FMO5: variants seen among roughly 807,000 people sequenced by gnomAD.
The protein encoded by FMO5 is flavin containing dimethylaniline monoxygenase 5.
In FMO5, 51 loss-of-function variants were observed where a neutral mutation model predicts 43.6. The observed-to-expected ratio is 1.17, with a 90% CI of 0.93 to 1.48. The LOEUF is 1.48. Ranked by LOEUF, FMO5 falls within the 40% of genes most tolerant of loss-of-function variation. The probability of loss-of-function intolerance (pLI) is 0.00; values close to 1 mark genes in which losing one functional copy is unlikely to be tolerated. For synonymous variants in FMO5, 187 were observed against 216.5 expected, an observed-to-expected ratio of 0.86 and a Z score of 1.20; for missense variants, 644 against 643.0, an observed-to-expected ratio of 1.00 and a Z score of -0.02.
chr1:147,201,925 C>A (rs28381210), intron 6 of FMO5, among the ~76,000 whole-genome samples: 29,125 of 152,128 alleles, frequency 0.19, 3,277 homozygotes, highest in Middle Eastern at 0.26. Flanking sequence ...CCACTGTTTT[C>A]CAAACTGTAT....
chr1:147,206,405 A>G (rs1660054631), intron 6 of FMO5, among the ~76,000 whole-genome samples: 1 of 152,220 alleles, frequency 6.6e-6, no homozygotes, highest in Admixed American at 6.5e-5. Flanking sequence ...CAACCATCCC[A>G]TTACTGGGTA....
intron 3 of FMO5, 108 bp downstream of exon 3, chr1:147,215,646 T>A: frequency 1.3e-6 from 1 of 752,438 alleles, no homozygotes; most frequent in Non-Finnish European, 2.2e-6. Flanking sequence ...GATAAATACA[T>A]GTGCAAATCA....
chr1:147,205,455 C>T (rs1458865450), intron 6 of FMO5, among the ~76,000 whole-genome samples: 3 of 151,970 alleles, frequency 2.0e-5, no homozygotes, highest in Non-Finnish European at 4.4e-5. Context: ...AAACATTTAA[C>T]CTGAATATAA....
chr1:147,194,913 C>T (rs184149842), intron 7 of FMO5, among the ~76,000 whole-genome samples: 5,424 of 151,722 alleles, frequency 0.036, 141 homozygotes, highest in South Asian at 0.089. Flanking sequence ...GTGGGTAACC[C>T]GACCTTTCTC....
chr1:147,210,962 T>G (rs1262223577), intron 5 of FMO5: 2 of 152,232 alleles, frequency 1.3e-5, no homozygotes, highest in African/African-American at 4.8e-5. Flanking sequence ...CATGATATAC[T>G]GAAATATATA....
chr1:147,219,840 CTTTTT>C (rs71083821), intron 2 of FMO5, among the ~76,000 whole-genome samples: 1 of 132,896 alleles, frequency 7.5e-6, no homozygotes, highest in African/African-American at 2.8e-5. Context: ...ATGTTAATTG[CTTTTT>C]TTTTTTTTTT....
At chr1:147,203,408 G>C (rs879980172) in intron 6 of FMO5, 7 of 914,896 alleles carry the variant, frequency 7.7e-6, no homozygotes, top group Admixed American at 1.7e-5. Context: ...ATAGACCAGT[G>C]TTTTCCCAGG....
chr1:147,203,897 T>C lies in FMO5; in HGVS notation c.831-2393A>G, dbSNP rs587681698. 4.6e-4 allele frequency: 720 copies of C among 1,575,870 alleles called. 4 individuals carry two copies. In the South Asian group the frequency reaches 5.0e-3, roughly 11 times the overall value. The stretch of plus-strand genomic sequence containing the variant: ...TTCTGAGAGGTAAACACTGTCTCAG[T>C]GTCCCATTTCTTCAAGGACAGGAGG... On this transcript the variant is annotated intron_variant, in intron 6 of 8. Transcript: ENST00000254090.
chr1:147,204,933 G>A (rs1659709904), intron 6 of FMO5: 19 of 1,553,040 alleles, frequency 1.2e-5, no homozygotes, highest in Admixed American at 1.7e-5. Flanking sequence ...GAAGCGCCAT[G>A]GCCAGCCTGC....
intron 5 of FMO5, 134 bp from the exon 6 acceptor site, chr1:147,209,185 C>A: frequency 1.6e-6 from 1 of 619,862 alleles, no homozygotes; most frequent in Non-Finnish European, 2.7e-6. Flanking sequence ...TTTGGGAGGC[C>A]AAGGCGGGCG....
chr1:147,186,264 A>G lies in FMO5; in HGVS notation c.*636T>C. On this transcript the variant is annotated 3_prime_UTR_variant, in exon 9 of 9. Transcript: ENST00000254090. The stretch of plus-strand genomic sequence containing the variant: ...GAATGACTGTGAGCCTAGAAAGTTG[A>G]AAGTAATTTCTTTATTGAGAAAATA... The G allele has an allele frequency of 1.1e-6, 1 of 951,734 alleles. No homozygotes were observed. The highest frequency in any genetic ancestry group is 1.3e-6 in the Non-Finnish European group (1 of 799,346). The allele number at this position is 951,734 out of a possible 1,614,324, so 59.0% of individuals were successfully genotyped here. A position where few individuals can be genotyped will look rare whatever the true frequency, so the allele number is the denominator to read the frequency against.
intron 8 of FMO5, 50 bp downstream of exon 8, chr1:147,190,127 A>G: frequency 8.1e-7 from 1 of 1,241,798 alleles, no homozygotes; most frequent in Non-Finnish European, 1.2e-6. Flanking sequence ...TTCTTTTATT[A>G]AGAAATAAGT....
At chr1:147,206,898 C>T (rs1345674106) in intron 6 of FMO5, among the ~76,000 whole-genome samples, 2 of 151,590 alleles carry the variant, frequency 1.3e-5, no homozygotes, top group Admixed American at 6.6e-5. Context: ...CAAACCTGCA[C>T]GTTGTGCACA....
intron 7 of FMO5, among the ~76,000 whole-genome samples, chr1:147,195,561 T>C (rs1203646091): frequency 6.6e-6 from 1 of 152,164 alleles, no homozygotes; most frequent in African/African-American, 2.4e-5. Context: ...TATTAACTGA[T>C]AAATTTAAGT....
At chr1:147,218,243 A>ATTTTTTTT (rs11391075) in intron 2 of FMO5, among the ~76,000 whole-genome samples, 1 of 150,274 alleles carries the variant, frequency 6.7e-6, no homozygotes, top group African/African-American at 2.4e-5. Flanking sequence ...AACATGCAGA[A>ATTTTTTTT]TTTTTTTTTT....
chr1:147,198,037 G>A (rs376964383), intron 7 of FMO5, among the ~76,000 whole-genome samples: 5 of 152,158 alleles, frequency 3.3e-5, no homozygotes, highest in Non-Finnish European at 5.9e-5. Context: ...CCTAAAGCAG[G>A]TTGTATCTGT....
rs994992277 is a variant in FMO5, at chr1:147,186,288, T to C, written c.*612A>G. The C allele has an allele frequency of 8.2e-6, 8 of 978,762 alleles. No individual in the cohort carries two copies. Among genetic ancestry groups the C allele is most frequent in the Non-Finnish European group, 9.7e-6 (8 of 823,968 alleles). The allele number at this position is 978,762 out of a possible 1,614,324, so 60.6% of individuals were successfully genotyped here. A position where few individuals can be genotyped will look rare whatever the true frequency, so the allele number is the denominator to read the frequency against. ...GAAAGTAATTTCTTTATTGAGAAAATAAAGACATGGTTCCTAAGGAAAAGG... is the reference window on the plus strand; with the variant it reads ...GAAAGTAATTTCTTTATTGAGAAAACAAAGACATGGTTCCTAAGGAAAAGG... On this transcript the variant is annotated 3_prime_UTR_variant, in exon 9 of 9. Transcript: ENST00000254090.
intron 7 of FMO5, among the ~76,000 whole-genome samples, 156 bp downstream of exon 7, chr1:147,200,996 C>G (rs1293791916): frequency 6.6e-6 from 1 of 152,170 alleles, no homozygotes; most frequent in Non-Finnish European, 1.5e-5. Context: ...TAAATTGCTA[C>G]TTTAGATTCA....
intron 8 of FMO5, among the ~76,000 whole-genome samples, chr1:147,187,772 T>G (rs1366019861): frequency 6.6e-6 from 1 of 152,114 alleles, no homozygotes; most frequent in Non-Finnish European, 1.5e-5. Flanking sequence ...GCCCTCCAAA[T>G]GGAGACAAAT....
Sources: allele counts gnomAD v4.1 joint callset (sites outside exome capture counted in the v4.1 genomes callset), GRCh38; gene constraint gnomAD v4.1.1; transcripts MANE v1.5; gene names NCBI Gene and HGNC (gene_info 2026-07-23, HGNC 2026-07-21).